The following HEXD variants were observed in gnomAD, a reference collection of about 807,000 sequenced individuals.
The protein encoded by HEXD is hexosaminidase D, also known as N-acetyl-beta-galactosaminidase.
Under a neutral mutation model 54.2 loss-of-function variants are expected in HEXD, and 47 were observed. The ratio of observed to expected loss-of-function variants is 0.87; its 90% CI spans 0.69 to 1.11. HEXD has a LOEUF of 1.11. Among genes scored for constraint, HEXD ranks in the 50% least tolerant of loss-of-function variants. The pLI, the probability that HEXD is intolerant of heterozygous loss-of-function variation, is 0.00. For synonymous variants in HEXD, 293 were observed against 287.6 expected (o/e 1.02, Z -0.19); for missense variants, 576 against 649.2 (o/e 0.89, Z 1.23).
At chr17:82,423,021 C>T (rs1462570825) in intron 2 of HEXD, among the ~76,000 whole-genome samples, 2 of 150,996 alleles carry the variant, frequency 1.3e-5, no homozygotes, top group African/African-American at 4.9e-5. Context: ...CGTGCCACTG[C>T]ACTCCATCCT....
chr17:82,425,053 AGAGAAGGCTG>A (rs1378789922), intron 3 of HEXD, among the ~76,000 whole-genome samples: 28 of 144,532 alleles, frequency 1.9e-4, no homozygotes, highest in South Asian at 6.7e-4. Flanking sequence ...GGAGGAGGCC[AGAGAAGGCTG>A]GAGAAGGCTG....
At chr17:82,432,887 C>T (rs183681886) in intron 4 of HEXD, among the ~76,000 whole-genome samples, 2,837 of 146,164 alleles carry the variant, frequency 0.019, 37 homozygotes, top group Admixed American at 0.045. Context: ...CACGGTGAAA[C>T]CCCGTCTCTA....
intron 4 of HEXD, among the ~76,000 whole-genome samples, chr17:82,433,080 A>G (rs1225196112): frequency 6.6e-5 from 1 of 15,252 alleles, no homozygotes; most frequent in African/African-American, 4.1e-4. Flanking sequence ...AAAAAAAGAA[A>G]AAAAAAAAAA....
At chr17:82,433,128 A>ATATATTTTT (rs71168109) in intron 4 of HEXD, among the ~76,000 whole-genome samples, 3 of 13,072 alleles carry the variant, frequency 2.3e-4, no homozygotes, top group Non-Finnish European at 3.6e-4. Context: ...ATATATATAT[A>ATATATTTTT]TTTTTTTTTT....
rs2053745199 is a variant in HEXD at position 82,435,828 on chromosome 17, T to C, written c.587T>C (p.Val196Ala). ...CGGCGCCCCAGCGTGACACCCCTGG[T>C]GTGGGACGACATGCTCCGAGACCTG... is the stretch of plus-strand genomic sequence containing the variant. ...KARRPSVTPL[V>A]WDDMLRDLPE... The change falls in exon 6 of 13, where the codon GTG (valine) becomes GCG (alanine). Residue 196 changes from valine (V) to alanine (A), a missense_variant. Physicochemically the swap from Val to Ala is moderately conservative, Grantham distance 64. Coordinates refer to ENST00000327949, the MANE Select transcript of HEXD (RefSeq NM_001330542.2). 6.2e-7 allele frequency: 1 copy of C among 1,612,054 alleles called. No individual in the cohort carries two copies. Among genetic ancestry groups the C allele is most frequent in the Non-Finnish European group, 8.5e-7 (1 of 1,179,700 alleles).
intron 2 of HEXD, chr17:82,420,182 G>A (rs1031741935): frequency 4.5e-6 from 1 of 221,768 alleles, no homozygotes; most frequent in South Asian, 1.3e-4. Flanking sequence ...TTAACCCCTG[G>A]GACCTGTGAA....
At position 82,442,060 on chromosome 17, in the gene HEXD, G is replaced by A. The variant is rs761685052; in HGVS notation, c.1254-117G>A. 1.5e-5 allele frequency: 20 copies of A among 1,379,162 alleles called. No individual in the cohort carries two copies. The highest frequency in any genetic ancestry group is 2.0e-5 in the Non-Finnish European group (20 of 1,000,288). 85.4% of individuals were successfully genotyped at this position (1,379,162 alleles called of 1,614,324 possible). A position where few individuals can be genotyped will look rare whatever the true frequency, so the allele number is the denominator to read the frequency against. On this transcript the variant is annotated intron_variant, in intron 12 of 12. Transcript: ENST00000327949. The surrounding 1 kb of genome is among the most constrained non-coding windows in gnomAD (Gnocchi z 6.8). The stretch of plus-strand genomic sequence containing the variant: ...CTTGTTCCTCCCGACATGCCGATGA[G>A]GTAGGGTCAGTAGCCCCATTTCACA...
chr17:82,441,980 G>A, intron 12 of HEXD, 91 bp downstream of exon 12: 5 of 1,405,956 alleles, frequency 3.6e-6, no homozygotes, highest in South Asian at 1.2e-5. Flanking sequence ...GAGAGCAGAG[G>A]GTGAGCCCCT....
intron 2 of HEXD, among the ~76,000 whole-genome samples, chr17:82,424,084 A>C (rs965227992): frequency 6.6e-6 from 1 of 151,594 alleles, no homozygotes; most frequent in Non-Finnish European, 1.5e-5. Context: ...GCCGCCGTGC[A>C]TGAAGAGCTG....
chr17:82,419,908 A>G, intron 2 of HEXD, 25 bp downstream of exon 2: 1 of 1,473,234 alleles, frequency 6.8e-7, no homozygotes, highest in South Asian at 1.2e-5. Flanking sequence ...TTACCTCTAG[A>G]GCATTACTTT....
At chr17:82,441,730 GT>G (rs2053981501) in intron 11 of HEXD, 69 bp from the exon 12 acceptor site, 1 of 1,139,776 alleles carries the variant, frequency 8.8e-7, no homozygotes, top group African/African-American at 1.5e-5. Flanking sequence ...AACATTTTCT[GT>G]ATTACTGCAA....
intron 2 of HEXD, among the ~76,000 whole-genome samples, chr17:82,421,290 C>T (rs1243472340): frequency 6.6e-6 from 1 of 152,170 alleles, no homozygotes; most frequent in African/African-American, 2.4e-5. Context: ...CGTAACAAAA[C>T]TTCCTTCCAG....
intron 3 of HEXD, among the ~76,000 whole-genome samples, 193 bp from the exon 4 acceptor site, chr17:82,428,365 A>G (rs2053479399): frequency 6.6e-6 from 1 of 152,174 alleles, no homozygotes; most frequent in Non-Finnish European, 1.5e-5. Flanking sequence ...AGGACGTGCT[A>G]GAACATCATC....
At chr17:82,440,149 G>C (rs1457992385) in intron 9 of HEXD, 1 of 1,292,618 alleles carries the variant, frequency 7.7e-7, no homozygotes, top group South Asian at 1.2e-5. Context: ...CCCATGGGCA[G>C]GGGCAGGCAC....
Position 82,441,075 on chromosome 17 carries a change from G to A in HEXD, c.1061G>A (p.Arg354Lys), listed in dbSNP as rs370916176. The change falls in exon 10 of 13, where the codon AGG (arginine) becomes AAG (lysine). Residue 354 changes from arginine (R) to lysine (K), a missense_variant and splice_region_variant. Arg to Lys is a conservative substitution (Grantham distance 26, BLOSUM62 2). Coordinates refer to ENST00000327949, the MANE Select transcript of HEXD (RefSeq NM_001330542.2). ...ISSLEKTDPV[R>K]EGAGSFPGSN... Reference sequence around the variant, plus strand: ...AGCCTGGAAAAAACGGACCCTGTTAGGCAAGCACCCTGCAGCCCTCCCTGT... The same window carrying A: ...AGCCTGGAAAAAACGGACCCTGTTAAGCAAGCACCCTGCAGCCCTCCCTGT... The A allele has an allele frequency of 7.4e-6, 12 of 1,613,614 alleles. No homozygotes were observed. The highest frequency in any genetic ancestry group is 1.0e-5 in the Non-Finnish European group (12 of 1,179,990).
intron 2 of HEXD, among the ~76,000 whole-genome samples, chr17:82,422,937 A>G (rs1250486017): frequency 2.0e-5 from 3 of 151,996 alleles, no homozygotes; most frequent in Admixed American, 6.6e-5. Context: ...GGTGCCTGTA[A>G]TCTCAGCTAC....
chr17:82,438,108 G>A (rs1043049133), intron 8 of HEXD, among the ~76,000 whole-genome samples: 1 of 152,044 alleles, frequency 6.6e-6, no homozygotes. Context: ...GTGGTGGCAC[G>A]CGCCTATGAT....
At chr17:82,427,086 A>C (rs1426201179) in intron 3 of HEXD, 2 of 151,470 alleles carry the variant, frequency 1.3e-5, no homozygotes, top group East Asian at 3.9e-4. Flanking sequence ...CAGTGAGCTG[A>C]GATTGCGCCA....
At chr17:82,441,596 G>A (rs913649157) in intron 11 of HEXD, among the ~76,000 whole-genome samples, 10 of 151,560 alleles carry the variant, frequency 6.6e-5, no homozygotes, top group East Asian at 1.9e-4. Flanking sequence ...GGGGGGTAGG[G>A]ACAGGTGCTG....
Sources: allele counts gnomAD v4.1 joint callset (sites outside exome capture counted in the v4.1 genomes callset), GRCh38; gene constraint gnomAD v4.1.1; non-coding constraint Gnocchi (gnomAD v3.1); transcripts MANE v1.5; gene names NCBI Gene and HGNC (gene_info 2026-07-23, HGNC 2026-07-21).